Variants in KDM4C observed in about 807,000 individuals in gnomAD.
The protein encoded by KDM4C is lysine demethylase 4C.
In KDM4C, 81 loss-of-function variants were observed where a neutral mutation model predicts 129.3. That is an observed-to-expected ratio of 0.63 (90% confidence interval 0.52 to 0.75). The LOEUF (loss-of-function observed/expected upper bound fraction) is 0.75. Among genes scored for constraint, KDM4C ranks in the 30% least tolerant of loss-of-function variants. KDM4C has a pLI of 0.00. For synonymous variants in KDM4C, 573 were observed against 456.1 expected, an observed-to-expected ratio of 1.26 and a Z score of -3.26; for missense variants, 1,457 against 1,304.0, an observed-to-expected ratio of 1.12 and a Z score of -1.81.
intron 8 of KDM4C, among the ~76,000 whole-genome samples, chr9:6,922,728 C>T (rs35878965): frequency 3.0e-4 from 45 of 152,366 alleles, no homozygotes; most frequent in Admixed American, 1.4e-3. Context: ...GCCTGGGTGG[C>T]GGAGCCAGAC....
At chr9:6,797,157 T>G (rs1159998371) in intron 2 of KDM4C, among the ~76,000 whole-genome samples, 1 of 151,912 alleles carries the variant, frequency 6.6e-6, no homozygotes, top group African/African-American at 2.4e-5. Context: ...TTTTTTTTAT[T>G]TTTTGTTTTT....
At chr9:6,930,995 C>T (rs1437217461) in intron 8 of KDM4C, among the ~76,000 whole-genome samples, 2 of 152,068 alleles carry the variant, frequency 1.3e-5, no homozygotes, top group East Asian at 1.9e-4. Flanking sequence ...TATGCAACTG[C>T]ATTCTTATGC....
intron 3 of KDM4C, among the ~76,000 whole-genome samples, chr9:6,808,517 C>G (rs983133887): frequency 1.4e-5 from 2 of 146,052 alleles, no homozygotes; most frequent in Non-Finnish European, 3.0e-5. Context: ...AGAGTCATTA[C>G]CAATCCCTAA....
At chr9:6,904,614 C>A (rs1257361901) in intron 8 of KDM4C, among the ~76,000 whole-genome samples, 1 of 152,136 alleles carries the variant, frequency 6.6e-6, no homozygotes, top group African/African-American at 2.4e-5. Context: ...TGTGTCCACA[C>A]CTGTCACCTC....
chr9:7,133,866 C>T (rs1324419554), intron 19 of KDM4C, among the ~76,000 whole-genome samples: 2 of 152,220 alleles, frequency 1.3e-5, no homozygotes, highest in Non-Finnish European at 2.9e-5. Context: ...ACGTTCTCTA[C>T]TGTGGGATCC....
At chr9:6,767,674 T>C (rs1221225946) in intron 1 of KDM4C, among the ~76,000 whole-genome samples, 2 of 152,206 alleles carry the variant, frequency 1.3e-5, no homozygotes, top group African/African-American at 4.8e-5. Context: ...TTGTCCAGGC[T>C]GGTCTTGAAG....
At chr9:7,142,692 T>A (rs552545370) in intron 19 of KDM4C, among the ~76,000 whole-genome samples, 1 of 152,154 alleles carries the variant, frequency 6.6e-6, no homozygotes, top group Non-Finnish European at 1.5e-5. Context: ...TAATTGTAGA[T>A]GTACAATGTT....
At chr9:6,787,665 C>A (rs1825764444) in intron 1 of KDM4C, among the ~76,000 whole-genome samples, 1 of 152,248 alleles carries the variant, frequency 6.6e-6, no homozygotes, top group South Asian at 2.1e-4. Flanking sequence ...ATGGTCCAAG[C>A]TGCCGTCTTA....
At chr9:7,104,078 A>T (rs1157236870) in intron 18 of KDM4C, 2 of 538,868 alleles carry the variant, frequency 3.7e-6, no homozygotes, top group African/African-American at 3.8e-5. Context: ...CACGCTAGGC[A>T]CAATAAATCT....
At chr9:6,854,480 G>A (rs1226549309) in intron 5 of KDM4C, among the ~76,000 whole-genome samples, 1 of 139,528 alleles carries the variant, frequency 7.2e-6, no homozygotes, top group Admixed American at 7.6e-5. Context: ...AGCTGAGATC[G>A]CGCCATTGCA....
upstream of KDM4C, among the ~76,000 whole-genome samples, chr9:6,756,226 T>C (rs1818268225): frequency 6.6e-6 from 1 of 152,228 alleles, no homozygotes; most frequent in South Asian, 2.1e-4. Flanking sequence ...TACCTATTCA[T>C]TGAATTATTA....
At chr9:7,166,711 A>G (rs1285327872) in intron 20 of KDM4C, among the ~76,000 whole-genome samples, 1 of 152,248 alleles carries the variant, frequency 6.6e-6, no homozygotes, top group Non-Finnish European at 1.5e-5. Context: ...AGCTTCTTAC[A>G]TGTAGCAAAG....
intron 17 of KDM4C, among the ~76,000 whole-genome samples, chr9:7,072,050 C>T (rs1034633066): frequency 6.6e-6 from 1 of 152,104 alleles, no homozygotes; most frequent in East Asian, 1.9e-4. Context: ...AAGTACATGA[C>T]AAAATGCTTA....
Position 6,758,578 on chromosome 9 carries a change from C to T in KDM4C, c.-18+375C>T, listed in dbSNP as rs559314934. Among the ~76,000 whole-genome samples the T allele has an allele frequency of 2.0e-5, 3 of 152,212 alleles. No homozygotes were observed. The highest frequency in any genetic ancestry group is 7.2e-5 in the African/African-American group (3 of 41,460). On this transcript the variant is annotated intron_variant, in intron 1 of 21. Coordinates refer to ENST00000381309, the MANE Select transcript of KDM4C (RefSeq NM_015061.6). This position sits in a 1 kb window ranked among gnomAD's most constrained non-coding sequence, Gnocchi z 4.6. ...CGGCTGTGGCGGACTCCAGGAAGGC[C>T]GGGCCTGGTGCACCCCTCGGGGCCC...
intron 8 of KDM4C, among the ~76,000 whole-genome samples, chr9:6,923,813 T>A (rs139069454): frequency 9.8e-5 from 15 of 152,342 alleles, no homozygotes; most frequent in African/African-American, 3.6e-4. Flanking sequence ...CAGAATCCAG[T>A]CTTCTCTTTT....
intron 12 of KDM4C, among the ~76,000 whole-genome samples, chr9:7,005,722 G>T (rs189948933): frequency 2.0e-5 from 3 of 152,122 alleles, no homozygotes; most frequent in African/African-American, 4.8e-5. Flanking sequence ...ACTAGGTTGC[G>T]CATACCAGCA....
intron 8 of KDM4C, among the ~76,000 whole-genome samples, chr9:6,958,686 G>GTTTTTTTTTTTTT (rs1231726870): frequency 1.5e-5 from 1 of 68,434 alleles, no homozygotes; most frequent in African/African-American, 6.4e-5. Context: ...TTCTTTATAT[G>GTTTTTTTTTTTTT]ATTTTTTTTT....
At chr9:6,841,567 G>T (rs977468215) in intron 4 of KDM4C, among the ~76,000 whole-genome samples, 2 of 152,144 alleles carry the variant, frequency 1.3e-5, no homozygotes, top group Non-Finnish European at 2.9e-5. Flanking sequence ...CTGCTTTTAT[G>T]TACAACAAAT....
chr9:7,133,675 CT>C (rs1840884098), intron 19 of KDM4C, among the ~76,000 whole-genome samples: 1 of 152,190 alleles, frequency 6.6e-6, no homozygotes. Context: ...GTAGAAGACG[CT>C]GTGCCTGCTC....
Sources: gnomAD v4.1 joint callset for allele counts (sites outside exome capture counted in the v4.1 genomes callset) on GRCh38, gnomAD v4.1.1 for gene constraint, Gnocchi (gnomAD v3.1) non-coding constraint, MANE v1.5 for transcripts, NCBI Gene and HGNC (gene_info 2026-07-23, HGNC 2026-07-21) for gene names.